GSTCD: variants seen among roughly 807,000 people sequenced by gnomAD.
GSTCD encodes the protein glutathione S-transferase C-terminal domain-containing protein.
Under a neutral mutation model 68.3 loss-of-function variants are expected in GSTCD, and 44 were observed. The observed-to-expected ratio is 0.64, with a 90% confidence interval of 0.51 to 0.83. GSTCD has a LOEUF of 0.83. GSTCD is among the 40% of genes least tolerant of loss of function. The pLI is 0.00. For missense variants in GSTCD, 739 were observed against 735.9 expected (o/e 1.00, Z -0.05); for synonymous variants, 273 against 255.2 (o/e 1.07, Z -0.67).
chr4:105,845,336 TC>T (rs1474173343), intron 11 of GSTCD, 104 bp from the exon 12 acceptor site: 4 of 1,189,438 alleles, frequency 3.4e-6, no homozygotes, highest in Non-Finnish European at 4.9e-6. Flanking sequence ...CAAAGCATGC[TC>T]CATAGTACTT....
rs1439822433 is a variant in GSTCD at position 105,846,514 on chromosome 4, A to G, written c.*937A>G. ...CATTTTAACAATAAGTACATTGATT[A>G]ATACATTTAAGTTTATAAGTAATTA... On this transcript the variant is annotated 3_prime_UTR_variant, in exon 12 of 12. Coordinates refer to ENST00000515279, the MANE Select transcript of GSTCD (RefSeq NM_001370181.1). 6.6e-6 allele frequency: 1 copy of G among 152,172 alleles called. No individual in the cohort carries two copies. Among genetic ancestry groups the G allele is most frequent in the Non-Finnish European group, 1.5e-5 (1 of 68,034 alleles). 9.4% of individuals were successfully genotyped at this position (152,172 alleles called of 1,614,324 possible).
intron 9 of GSTCD, 74 bp downstream of exon 9, chr4:105,834,668 G>A: frequency 7.4e-7 from 1 of 1,350,410 alleles, no homozygotes; most frequent in Non-Finnish European, 1.0e-6. Flanking sequence ...TTGATATAAA[G>A]TTGCAATGAC....
At chr4:105,820,131 A>AT (rs555434691) in intron 5 of GSTCD, among the ~76,000 whole-genome samples, 2,787 of 147,982 alleles carry the variant, frequency 0.019, 35 homozygotes, top group African/African-American at 0.037. Flanking sequence ...TTTTCCAGTG[A>AT]TTTTTTTTTT....
At chr4:105,817,895 G>A (rs765664124) in intron 5 of GSTCD, among the ~76,000 whole-genome samples, 5 of 151,816 alleles carry the variant, frequency 3.3e-5, no homozygotes, top group African/African-American at 7.2e-5. Flanking sequence ...TGCATGCATA[G>A]CATCGATATC....
chr4:105,719,133 A>T lies in GSTCD; in HGVS notation c.500A>T (p.Asp167Val). ...AIENFLRESS[D>V]QPPTIPVEIL... The stretch of plus-strand genomic sequence containing the variant: ...GAGAATTTTCTCAGAGAATCTTCTG[A>T]CCAGCCCCCAACTATACCTGTAGAA... Residue 167 changes from aspartate to valine, a missense_variant, in exon 3 of 12, where the codon GAC becomes GTC. Transcript: ENST00000515279. The T allele has an allele frequency of 6.2e-7, 1 of 1,614,128 alleles. No individual in the cohort carries two copies. The highest frequency in any genetic ancestry group is 8.5e-7 in the Non-Finnish European group (1 of 1,180,000).
intron 7 of GSTCD, among the ~76,000 whole-genome samples, chr4:105,825,349 C>A (rs982434867): frequency 6.6e-6 from 1 of 152,180 alleles, no homozygotes; most frequent in Non-Finnish European, 1.5e-5. Flanking sequence ...AGGCTAATCT[C>A]GAGTTCCTGA....
At chr4:105,768,235 T>C (rs895786806) in intron 5 of GSTCD, among the ~76,000 whole-genome samples, 6 of 151,990 alleles carry the variant, frequency 3.9e-5, no homozygotes, top group Admixed American at 3.3e-4. Context: ...TTTCACCATG[T>C]TGGCCAGGAT....
In GSTCD at chr4:105,822,986, C is replaced by T; in HGVS notation, c.1273C>T (p.Gln425Ter). The change falls in exon 6 of 12, where the codon CAG (glutamine) becomes TAG (stop). Residue 425 changes from glutamine to a stop codon, truncating the protein, a stop_gained. Transcript: ENST00000515279. LOFTEE classifies it high-confidence loss of function. ...KMSSDRALRK[Q>*]QQLNNLVYVV... is the part of the protein sequence containing the mutation. ...GTCCAGTGATCGAGCTTTGAGGAAG[C>T]AGCAACAGTTGAACAACCTTGTCTA... The T allele has an allele frequency of 6.2e-7, 1 of 1,613,560 alleles. No individual in the cohort carries two copies. The highest frequency in any genetic ancestry group is 8.5e-7 in the Non-Finnish European group (1 of 1,179,614).
intron 5 of GSTCD, among the ~76,000 whole-genome samples, chr4:105,816,924 C>T (rs139577730): frequency 1.3e-3 from 190 of 151,964 alleles, no homozygotes; most frequent in African/African-American, 4.3e-3. Context: ...TGTCATCTAC[C>T]CTAACAACCT....
rs1427706007 is a variant in GSTCD, at chr4:105,847,558, T to A, written c.*1981T>A. The A allele has an allele frequency of 6.6e-6, 1 of 152,216 alleles. No homozygotes were observed. The highest frequency in any genetic ancestry group is 1.5e-5 in the Non-Finnish European group (1 of 68,030). 9.4% of individuals were successfully genotyped at this position (152,216 alleles called of 1,614,324 possible). On this transcript the variant is annotated 3_prime_UTR_variant, in exon 12 of 12. Coordinates refer to ENST00000515279, the MANE Select transcript of GSTCD (RefSeq NM_001370181.1). The stretch of plus-strand genomic sequence containing the variant: ...GGAATCAGATATAGAATATTCCCCT[T>A]AAATATTGTCAGGTAAACACATTGA...
chr4:105,773,224 A>C (rs1324782915), intron 5 of GSTCD, among the ~76,000 whole-genome samples: 1 of 151,636 alleles, frequency 6.6e-6, no homozygotes, highest in East Asian at 1.9e-4. Flanking sequence ...ATTTTTTATC[A>C]TGTCTGTTTG....
At chr4:105,727,842 T>C (rs1733093484) in intron 4 of GSTCD, among the ~76,000 whole-genome samples, 1 of 152,176 alleles carries the variant, frequency 6.6e-6, no homozygotes, top group Non-Finnish European at 1.5e-5. Flanking sequence ...TAATAGGTGA[T>C]GTGAGGATTT....
intron 5 of GSTCD, among the ~76,000 whole-genome samples, chr4:105,799,614 T>C (rs553856515): frequency 2.1e-3 from 316 of 152,260 alleles, no homozygotes; most frequent in Non-Finnish European, 3.7e-3. Context: ...ATTAAGTTTG[T>C]TGTCTTAAGT....
intron 5 of GSTCD, among the ~76,000 whole-genome samples, chr4:105,801,382 CTG>C (rs1484859716): frequency 6.6e-6 from 1 of 152,070 alleles, no homozygotes; most frequent in Admixed American, 6.6e-5. Flanking sequence ...TGAGAATTGA[CTG>C]TATCTCATCC....
chr4:105,713,435 A>G (rs1297827722), intron 1 of GSTCD, among the ~76,000 whole-genome samples: 2 of 152,230 alleles, frequency 1.3e-5, no homozygotes, highest in Non-Finnish European at 2.9e-5. Context: ...ATAATATCTG[A>G]CAATTTTCAC....
At chr4:105,711,941 A>G (rs1181475760) in intron 1 of GSTCD, among the ~76,000 whole-genome samples, 1 of 152,204 alleles carries the variant, frequency 6.6e-6, no homozygotes, top group Non-Finnish European at 1.5e-5. Flanking sequence ...ACTTTTCCCG[A>G]TTCACCTCAC....
chr4:105,796,172 G>A (rs1735878315), intron 5 of GSTCD, among the ~76,000 whole-genome samples: 1 of 152,226 alleles, frequency 6.6e-6, no homozygotes, highest in Non-Finnish European at 1.5e-5. Context: ...GGGAGAGCAA[G>A]TCGTGTCTTA....
At chr4:105,775,413 G>C (rs918843736) in intron 5 of GSTCD, among the ~76,000 whole-genome samples, 1 of 152,004 alleles carries the variant, frequency 6.6e-6, no homozygotes, top group African/African-American at 2.4e-5. Context: ...TGATCCTTTG[G>C]GGGAGAAAAG....
chr4:105,710,763 G>A (rs1165896671), intron 1 of GSTCD: 1 of 152,140 alleles, frequency 6.6e-6, no homozygotes, highest in Non-Finnish European at 1.5e-5. Context: ...GTCGATCACT[G>A]TTAATTATGA....
Sources: allele counts gnomAD v4.1 joint callset (sites outside exome capture counted in the v4.1 genomes callset), GRCh38; gene constraint gnomAD v4.1.1; transcripts MANE v1.5; gene names NCBI Gene and HGNC (gene_info 2026-07-23, HGNC 2026-07-21).